LPGAT1: variants seen among roughly 807,000 people sequenced by gnomAD.
LPGAT1 encodes the protein lysophosphatidylglycerol acyltransferase 1.
In LPGAT1, 11 loss-of-function variants were observed where a neutral mutation model predicts 47.5. That is an observed-to-expected ratio of 0.23 (90% CI 0.15 to 0.38). LPGAT1 has a LOEUF of 0.38. LPGAT1 is among the 10% of genes least tolerant of loss of function. The probability of loss-of-function intolerance (pLI) is 1.00; values close to 1 mark genes in which losing one functional copy is unlikely to be tolerated. For synonymous variants in LPGAT1, 138 were observed against 144.2 expected, an observed-to-expected ratio of 0.96 and a Z score of 0.31; for missense variants, 293 against 439.0, an observed-to-expected ratio of 0.67 and a Z score of 2.97.
chr1:211,781,589 CAGTTAAATCTG>C (rs1658645546), intron 5 of LPGAT1, among the ~76,000 whole-genome samples: 1 of 152,176 alleles, frequency 6.6e-6, no homozygotes, highest in African/African-American at 2.4e-5. Flanking sequence ...AAGGAAAACT[CAGTTAAATCTG>C]AGTTAAATCA....
chr1:211,810,604 T>A (rs7533951), intron 2 of LPGAT1, among the ~76,000 whole-genome samples: 56,130 of 152,016 alleles, frequency 0.37, 11,342 homozygotes, highest in East Asian at 0.71. Context: ...AAAACTTAAG[T>A]CAACTTTTTA....
chr1:211,809,452 TTAAC>T (rs1659883694), intron 2 of LPGAT1, among the ~76,000 whole-genome samples: 1 of 152,156 alleles, frequency 6.6e-6, no homozygotes, highest in Non-Finnish European at 1.5e-5. Flanking sequence ...TGGGAAAACT[TTAAC>T]TAAGTAATGG....
intron 6 of LPGAT1, among the ~76,000 whole-genome samples, chr1:211,753,312 G>A (rs1000018648): frequency 1.3e-5 from 2 of 152,052 alleles, no homozygotes; most frequent in African/African-American, 4.8e-5. Flanking sequence ...TTCTGTCCTC[G>A]AACTTGGTTG....
chr1:211,746,377 G>C lies in LPGAT1; in HGVS notation c.*3522C>G, dbSNP rs1260247453. The C allele has an allele frequency of 6.6e-6, 1 of 152,170 alleles. No individual in the cohort carries two copies. Among genetic ancestry groups the C allele is most frequent in the Non-Finnish European group, 1.5e-5 (1 of 68,014 alleles). 9.4% of individuals were successfully genotyped at this position (152,170 alleles called of 1,614,324 possible). On this transcript the variant is annotated 3_prime_UTR_variant, in exon 8 of 8. Coordinates refer to ENST00000366997, the MANE Select transcript of LPGAT1 (RefSeq NM_014873.3). ...GCTTTTCTAACCCATAGATTATTCA[G>C]GCTTCTGTATTTCCTCTTCCTGATA...
intron 3 of LPGAT1, among the ~76,000 whole-genome samples, chr1:211,789,475 TAA>T (rs1473354351): frequency 6.6e-6 from 1 of 152,204 alleles, no homozygotes; most frequent in Non-Finnish European, 1.5e-5. Context: ...GGAAATGTTA[TAA>T]GTCAATAAAT....
At chr1:211,822,493 T>C (rs1660394988) in intron 2 of LPGAT1, among the ~76,000 whole-genome samples, 1 of 152,060 alleles carries the variant, frequency 6.6e-6, no homozygotes. Context: ...AGATCAGTCG[T>C]CGGCCAGGCG....
chr1:211,745,555 T>C lies in LPGAT1; in HGVS notation c.*4344A>G, dbSNP rs944081352. 6.6e-6 allele frequency: 1 copy of C among 152,204 alleles called. No individual in the cohort carries two copies. Among genetic ancestry groups the C allele is most frequent in the African/African-American group, 2.4e-5 (1 of 41,436 alleles). The allele number at this position is 152,204 out of a possible 1,614,324, so 9.4% of individuals were successfully genotyped here. A position where few individuals can be genotyped will look rare whatever the true frequency, so the allele number is the denominator to read the frequency against. ...AAAACGTTTGCTCTTTAAACTGTCT[T>C]AAAAAAATATTAAATGTAAAAACCC... On this transcript the variant is annotated 3_prime_UTR_variant, in exon 8 of 8. Coordinates refer to ENST00000366997, the MANE Select transcript of LPGAT1 (RefSeq NM_014873.3).
intron 2 of LPGAT1, among the ~76,000 whole-genome samples, chr1:211,822,673 G>C (rs930658088): frequency 1.3e-5 from 2 of 152,046 alleles, no homozygotes; most frequent in Non-Finnish European, 2.9e-5. Context: ...AGCTACTCGG[G>C]AGGCTGAGAC....
intron 3 of LPGAT1, among the ~76,000 whole-genome samples, chr1:211,790,170 T>C (rs1659051630): frequency 2.0e-5 from 3 of 152,182 alleles, no homozygotes; most frequent in Non-Finnish European, 2.9e-5. Flanking sequence ...TGGGTGAGTA[T>C]GGAAACTGCA....
intron 6 of LPGAT1, among the ~76,000 whole-genome samples, chr1:211,778,063 C>T (rs1571718664): frequency 6.6e-6 from 1 of 152,312 alleles, no homozygotes; most frequent in East Asian, 1.9e-4. Context: ...AGGCACGAGG[C>T]TGGGCGCGGT....
At chr1:211,754,033 G>A (rs1376013371) in intron 6 of LPGAT1, among the ~76,000 whole-genome samples, 1 of 152,156 alleles carries the variant, frequency 6.6e-6, no homozygotes, top group Non-Finnish European at 1.5e-5. Flanking sequence ...TGAGATAAGA[G>A]GGCTGGGAAT....
intron 6 of LPGAT1, among the ~76,000 whole-genome samples, chr1:211,754,100 T>C (rs1028629081): frequency 6.6e-6 from 1 of 151,338 alleles, no homozygotes; most frequent in African/African-American, 2.4e-5. Context: ...ATGAGACCTC[T>C]GCCTCAGTTG....
intron 2 of LPGAT1, among the ~76,000 whole-genome samples, chr1:211,808,158 C>A (rs1207590617): frequency 1.3e-5 from 2 of 151,964 alleles, no homozygotes. Flanking sequence ...CCAGCCTGAC[C>A]AACATGGAGA....
intron 3 of LPGAT1, among the ~76,000 whole-genome samples, chr1:211,789,452 A>C (rs1320815458): frequency 6.6e-6 from 1 of 152,230 alleles, no homozygotes; most frequent in Non-Finnish European, 1.5e-5. Flanking sequence ...GCTCTGTTCC[A>C]ACTTATTTTA....
chr1:211,792,778 C>T (rs532710141), intron 3 of LPGAT1, among the ~76,000 whole-genome samples: 50 of 120,542 alleles, frequency 4.1e-4, no homozygotes, highest in African/African-American at 1.6e-3. Context: ...GTGGCGTGAT[C>T]TCGGCTCACT....
chr1:211,793,029 C>T (rs752551266), intron 3 of LPGAT1, 43 bp downstream of exon 3: 12 of 1,383,052 alleles, frequency 8.7e-6, no homozygotes. Flanking sequence ...CCTTTTTAAC[C>T]TTCCTTTCTG....
chr1:211,771,391 A>G (rs1658163096), intron 6 of LPGAT1, among the ~76,000 whole-genome samples: 1 of 152,062 alleles, frequency 6.6e-6, no homozygotes, highest in Admixed American at 6.5e-5. Flanking sequence ...ATGACTGTAT[A>G]CTCAATACTT....
At chr1:211,789,733 G>T (rs1659028701) in intron 3 of LPGAT1, among the ~76,000 whole-genome samples, 1 of 152,076 alleles carries the variant, frequency 6.6e-6, no homozygotes, top group Non-Finnish European at 1.5e-5. Context: ...AGCCGGGTGT[G>T]GTGGCGGACA....
Position 211,793,056 on chromosome 1 carries a change from C to T in LPGAT1, c.357+16G>A. ...TCCTTTCTGGATGTCTATCTACTGC[C>T]TTCAGGGTAGCTTACCAGTCCTTTG... is the stretch of plus-strand genomic sequence containing the variant. On this transcript the variant is annotated intron_variant, in intron 3 of 7. Coordinates refer to ENST00000366997, the MANE Select transcript of LPGAT1 (RefSeq NM_014873.3). 1.3e-6 allele frequency: 2 copies of T among 1,552,186 alleles called. No individual in the cohort carries two copies. The highest frequency in any genetic ancestry group is 1.8e-6 in the Non-Finnish European group (2 of 1,136,670).
Sources: gnomAD v4.1 joint callset for allele counts (sites outside exome capture counted in the v4.1 genomes callset) on GRCh38, gnomAD v4.1.1 for gene constraint, MANE v1.5 for transcripts, NCBI Gene and HGNC (gene_info 2026-07-23, HGNC 2026-07-21) for gene names.